Variants in ZFP64 observed in about 807,000 individuals in gnomAD.
ZFP64 encodes the protein ZFP64 zinc finger protein.
In ZFP64, 14 loss-of-function variants were observed where a neutral mutation model predicts 51.6. The ratio of observed to expected loss-of-function variants is 0.27; its 90% confidence interval spans 0.18 to 0.42. The LOEUF (loss-of-function observed/expected upper bound fraction) is 0.42. Among genes scored for constraint, ZFP64 ranks in the 10% least tolerant of loss-of-function variants. ZFP64 has a pLI of 1.00. For synonymous variants in ZFP64, 375 were observed against 361.4 expected, an observed-to-expected ratio of 1.04 and a Z score of -0.43; for missense variants, 754 against 906.8, an observed-to-expected ratio of 0.83 and a Z score of 2.16.
chr20:52,096,563 G>C (rs978600721), intron 7 of ZFP64, among the ~76,000 whole-genome samples: 3 of 152,216 alleles, frequency 2.0e-5, no homozygotes, highest in African/African-American at 7.2e-5. Context: ...ACAGATTAAG[G>C]GTTGGCAAAG....
intron 5 of ZFP64, among the ~76,000 whole-genome samples, chr20:52,112,666 G>A (rs568677631): frequency 6.6e-6 from 1 of 151,488 alleles, no homozygotes; most frequent in South Asian, 2.1e-4. Context: ...CCAGGCTGGA[G>A]TGCAGTGGCG....
chr20:52,146,393 G>A (rs1447202681), downstream of ZFP64, among the ~76,000 whole-genome samples: 5 of 128,154 alleles, frequency 3.9e-5, no homozygotes, highest in East Asian at 7.8e-4. Context: ...GGAATACTAT[G>A]CAGCCATAAA....
chr20:52,144,578 C>CAAA lies in ZFP64; in HGVS notation c.763+15542_763+15544dup, dbSNP rs1156545584. ...CTGGTGACAGAGCGAGACTCCGTCTCAAAAAAAAAAAAAAAAAAAAAAAAT... is the reference window on the plus strand; with the variant it reads ...CTGGTGACAGAGCGAGACTCCGTCTCAAAAAAAAAAAAAAAAAAAAAAAAAAAT... On this transcript the variant is annotated intron_variant, in intron 5 of 8. Coordinates refer to the ZFP64 transcript ENST00000361387. Among the ~76,000 whole-genome samples, 108 of 23,320 alleles carry CAAA rather than the reference C, an allele frequency of 4.6e-3. 23 individuals are homozygous for CAAA. The highest frequency in any genetic ancestry group is 0.016 in the African/African-American group (86 of 5,540). The allele number at this position is 23,320 out of a possible 152,430, so 15.3% of individuals were successfully genotyped here. A position where few individuals can be genotyped will look rare whatever the true frequency, so the allele number is the denominator to read the frequency against.
At chr20:52,189,328 G>C (rs1361376620) in intron 1 of ZFP64, among the ~76,000 whole-genome samples, 1 of 151,558 alleles carries the variant, frequency 6.6e-6, no homozygotes, top group Non-Finnish European at 1.5e-5. Flanking sequence ...CCTGGGACGT[G>C]GAGGTTGCAG....
chr20:52,090,528 T>C (rs543726459), intron 7 of ZFP64, among the ~76,000 whole-genome samples: 116 of 152,104 alleles, frequency 7.6e-4, no homozygotes, highest in Middle Eastern at 3.4e-3. Flanking sequence ...CGACTGGGCA[T>C]GGTGGCTCAC....
At chr20:52,098,405 G>A (rs2079014954) in intron 6 of ZFP64, 1 of 1,610,842 alleles carries the variant, frequency 6.2e-7, no homozygotes, top group Admixed American at 1.7e-5. Flanking sequence ...GCTTGGCTCA[G>A]AAGCGGCTCA....
intron 5 of ZFP64, among the ~76,000 whole-genome samples, chr20:52,119,529 A>ATAT (rs1555802540): frequency 1.6e-4 from 12 of 75,234 alleles, no homozygotes; most frequent in African/African-American, 4.2e-4. Context: ...CTAAAAAAAA[A>ATAT]AAAAATATAT....
In ZFP64 at chr20:52,160,127, G is replaced by A. The variant is rs1981654913; in HGVS notation, c.759C>T (p.His253=). The A allele has an allele frequency of 1.9e-6, 3 of 1,614,252 alleles. No homozygotes were observed. Among genetic ancestry groups the A allele is most frequent in the Non-Finnish European group, 8.5e-7 (1 of 1,180,054 alleles). ...CAAATAACAGGCAGGACTCACCCGT[G>A]TGGGATCGCAGGTGGACAGTGAGCT... ...SSQLTVHLRS[H]TGDAPFQCWL... Residue 253 remains histidine, a synonymous_variant, in exon 5 of 6, where the codon CAC becomes CAT. Transcript: ENST00000216923. The surrounding 1 kb of genome is among the most constrained non-coding windows in gnomAD (Gnocchi z 4.2).
intron 7 of ZFP64, among the ~76,000 whole-genome samples, chr20:52,090,559 G>A (rs1337592109): frequency 2.6e-5 from 4 of 152,024 alleles, no homozygotes; most frequent in East Asian, 1.9e-4. Flanking sequence ...CCAGCACTTT[G>A]GGGGGCCAAG....
At chr20:52,102,126 GGCA>G (rs1334069284) in intron 5 of ZFP64, among the ~76,000 whole-genome samples, 1 of 89,634 alleles carries the variant, frequency 1.1e-5, no homozygotes, top group Non-Finnish European at 2.4e-5. Flanking sequence ...AAAAAAAAAA[GGCA>G]GCAGTCTCAG....
chr20:52,112,509 T>C (rs1239247919), intron 5 of ZFP64, among the ~76,000 whole-genome samples: 1 of 152,198 alleles, frequency 6.6e-6, no homozygotes, highest in Non-Finnish European at 1.5e-5. Flanking sequence ...GAAAGCTTAC[T>C]CTTCTTTTTA....
intron 5 of ZFP64, among the ~76,000 whole-genome samples, chr20:52,115,413 T>A (rs953375669): frequency 5.6e-5 from 5 of 88,616 alleles, no homozygotes; most frequent in Non-Finnish European, 1.3e-4. Flanking sequence ...TCGCTACAGC[T>A]TTTTTTTTTT....
rs989264837 is a variant in ZFP64 at position 52,151,335 on chromosome 20, C to T, written c.*811G>A. On this transcript the variant is annotated 3_prime_UTR_variant, in exon 6 of 6. Transcript: ENST00000216923. ...ACCATTCATTTTCTGCTCATTAGCA[C>T]TAAACATTTTTTTTTGGGTCAAGTA... 47 of 985,200 alleles carry T rather than the reference C, an allele frequency of 4.8e-5. No homozygotes were observed. Among genetic ancestry groups the T allele is most frequent in the Non-Finnish European group, 5.4e-5 (45 of 829,908 alleles). 61.0% of individuals were successfully genotyped at this position (985,200 alleles called of 1,614,324 possible). A position where few individuals can be genotyped will look rare whatever the true frequency, so the allele number is the denominator to read the frequency against.
intron 5 of ZFP64, among the ~76,000 whole-genome samples, chr20:52,146,208 G>A (rs1011332821): frequency 6.6e-6 from 1 of 152,074 alleles, no homozygotes; most frequent in African/African-American, 2.4e-5. Context: ...AATACCATTT[G>A]ACCCAGCCAT....
chr20:52,114,211 T>G lies in ZFP64; in HGVS notation c.764-15624A>C, dbSNP rs555846028. ...TAGTTCAAGTAAACGGAAACACTGA[T>G]TTTCACCTGTCCCGATAGAAAAGAT... is the stretch of plus-strand genomic sequence containing the variant. On this transcript the variant is annotated intron_variant, in intron 5 of 8. Coordinates refer to the ZFP64 transcript ENST00000361387. Among the ~76,000 whole-genome samples, 8 of 152,328 alleles carry G rather than the reference T, an allele frequency of 5.3e-5. No individual in the cohort carries two copies. In the East Asian group the frequency reaches 1.5e-3, roughly 29 times the overall value.
At chr20:52,142,380 A>ACACACACACACACGCGCG (rs1177138816) in intron 5 of ZFP64, among the ~76,000 whole-genome samples, 871 of 81,436 alleles carry the variant, frequency 0.011, 7 homozygotes, top group Admixed American at 0.011. Flanking sequence ...ACACACAGAC[A>ACACACACACACACGCGCG]CACACACACA....
At position 52,169,267 on chromosome 20, in the gene ZFP64, T is replaced by C. The variant is rs1389002999; in HGVS notation, c.287-3242A>G. Among the ~76,000 whole-genome samples the C allele has an allele frequency of 2.6e-5, 4 of 152,208 alleles. No individual in the cohort carries two copies. In the East Asian group the frequency reaches 7.7e-4, roughly 29 times the overall value. On this transcript the variant is annotated intron_variant, in intron 2 of 5. Coordinates refer to ENST00000216923, the MANE Select transcript of ZFP64 (RefSeq NM_018197.3). ...AGAACCAGACTCTGGCACTTGTGCATCAAACTCTCAACTGAAATGCTCATG... is the reference window on the plus strand; with the variant it reads ...AGAACCAGACTCTGGCACTTGTGCACCAAACTCTCAACTGAAATGCTCATG...
At chr20:52,187,789 T>C (rs1172547034) in intron 1 of ZFP64, among the ~76,000 whole-genome samples, 2 of 152,140 alleles carry the variant, frequency 1.3e-5, no homozygotes, top group African/African-American at 4.8e-5. Flanking sequence ...GGGGCACTAG[T>C]GGCATTGTTT....
intron 5 of ZFP64, among the ~76,000 whole-genome samples, chr20:52,159,265 A>G (rs898717176): frequency 8.5e-5 from 13 of 152,196 alleles, no homozygotes; most frequent in Admixed American, 7.9e-4. Flanking sequence ...AAAGTATGTA[A>G]TTTATTGAGT....
Sources: allele counts gnomAD v4.1 joint callset (sites outside exome capture counted in the v4.1 genomes callset), GRCh38; gene constraint gnomAD v4.1.1; non-coding constraint Gnocchi (gnomAD v3.1); transcripts MANE v1.5; gene names NCBI Gene and HGNC (gene_info 2026-07-23, HGNC 2026-07-21).